Variants in TDRP observed in about 807,000 individuals in gnomAD.
The protein encoded by TDRP is testis development related protein.
In TDRP, 12 loss-of-function variants were observed where a neutral mutation model predicts 10.5. The ratio of observed to expected loss-of-function variants is 1.15; its 90% CI spans 0.73 to 1.86. The LOEUF (loss-of-function observed/expected upper bound fraction) is 1.86, where lower values mean the gene tolerates loss of function less well. TDRP is among the 40% of genes most tolerant of loss of function. The pLI, the probability that TDRP is intolerant of heterozygous loss-of-function variation, is 0.00. For synonymous variants in TDRP, 139 were observed against 95.4 expected, an observed-to-expected ratio of 1.46 and a Z score of -2.67; for missense variants, 353 against 229.2, an observed-to-expected ratio of 1.54 and a Z score of -3.49.
intron 1 of TDRP, among the ~76,000 whole-genome samples, chr8:517,225 A>C (rs1262621648): frequency 1.3e-5 from 2 of 152,186 alleles, no homozygotes; most frequent in African/African-American, 2.4e-5. Flanking sequence ...ACAGCATCAC[A>C]TGACAGCAGG....
rs375957326 is a variant in TDRP, at chr8:492,474, G to A, written c.483C>T (p.Arg161=). The change falls in exon 3 of 3, where the codon CGC becomes CGT. Residue 161 remains arginine, a synonymous_variant. Coordinates refer to ENST00000324079, the MANE Select transcript of TDRP (RefSeq NM_001384899.1). ...GGATGCTCACCAGCCTCCCTGCCGC[G>A]CGCAGGCTCCACCTGGAGCTGTTGG... ...SSANSSRWSL[R]AAGRLVSIRR... 1.6e-5 allele frequency: 25 copies of A among 1,606,760 alleles called. No individual in the cohort carries two copies. The highest frequency in any genetic ancestry group is 3.4e-5 in the Admixed American group (2 of 59,608).
chr8:524,285 C>T (rs1233212250), intron 1 of TDRP, among the ~76,000 whole-genome samples: 1 of 152,070 alleles, frequency 6.6e-6, no homozygotes, highest in African/African-American at 2.4e-5. Flanking sequence ...ATCACAACAC[C>T]CAAGTCCCTT....
intron 1 of TDRP, among the ~76,000 whole-genome samples, chr8:505,047 T>C (rs902933777): frequency 6.6e-6 from 1 of 152,194 alleles, no homozygotes; most frequent in Non-Finnish European, 1.5e-5. Context: ...ATATTCAATT[T>C]ACAAAAACAA....
In TDRP at chr8:507,050, A is replaced by T. The variant is rs186799083; in HGVS notation, c.109-12453T>A. The stretch of plus-strand genomic sequence containing the variant: ...GGCTGGGAAGCTTTGGGAAACTTAC[A>T]ATCATGGCGGAAGGCAAAGGGGAGG... On this transcript the variant is annotated intron_variant, in intron 1 of 2. Coordinates refer to ENST00000324079, the MANE Select transcript of TDRP (RefSeq NM_001384899.1). Among the ~76,000 whole-genome samples, 935 of 152,282 alleles carry T rather than the reference A, an allele frequency of 6.1e-3. 12 individuals are homozygous for T. The highest frequency in any genetic ancestry group is 9.4e-3 in the Non-Finnish European group (642 of 68,024).
rs1802595778 is a variant in TDRP, at chr8:544,831, C to A, written c.-74G>T. On this transcript the variant is annotated 5_prime_UTR_variant, in exon 1 of 3. Transcript: ENST00000324079. ...CCGCGTCCCTCCCGGCCGCCGGACG[C>A]TCTGCCTGCGGCTCCTGCGGGACGC... is the stretch of plus-strand genomic sequence containing the variant. 15 of 1,104,564 alleles carry A rather than the reference C, an allele frequency of 1.4e-5. No homozygotes were observed. Among genetic ancestry groups the A allele is most frequent in the Non-Finnish European group, 1.5e-5 (13 of 874,830 alleles). The allele number at this position is 1,104,564 out of a possible 1,614,324, so 68.4% of individuals were successfully genotyped here.
intron 1 of TDRP, among the ~76,000 whole-genome samples, chr8:510,737 ACTT>A (rs1230682710): frequency 9.2e-5 from 14 of 152,254 alleles, no homozygotes; most frequent in Non-Finnish European, 8.8e-5. Flanking sequence ...CACTAAAGGA[ACTT>A]CTTCAGCTGA....
intron 1 of TDRP, among the ~76,000 whole-genome samples, chr8:521,341 C>T (rs1344738745): frequency 1.3e-5 from 2 of 151,958 alleles, no homozygotes; most frequent in African/African-American, 2.4e-5. Context: ...GGCGTGAACC[C>T]GGGAGGCGGG....
intron 1 of TDRP, among the ~76,000 whole-genome samples, chr8:498,089 A>C (rs569772161): frequency 6.6e-6 from 1 of 152,316 alleles, no homozygotes; most frequent in South Asian, 2.1e-4. Context: ...CATGCAAGGG[A>C]AATGTGGGGT....
At chr8:530,914 T>A (rs1318713167) in intron 1 of TDRP, among the ~76,000 whole-genome samples, 3 of 152,144 alleles carry the variant, frequency 2.0e-5, no homozygotes, top group Non-Finnish European at 4.4e-5. Flanking sequence ...CCGACCTCCA[T>A]CCGCAGCACT....
chr8:504,150 T>A (rs544632325), intron 1 of TDRP, among the ~76,000 whole-genome samples: 1 of 152,314 alleles, frequency 6.6e-6, no homozygotes, highest in African/African-American at 2.4e-5. Flanking sequence ...ACCGCAGCCC[T>A]GTCACTGGTT....
chr8:494,702 C>T (rs1801080302), intron 1 of TDRP, 105 bp from the exon 2 acceptor site: 9 of 957,716 alleles, frequency 9.4e-6, no homozygotes, highest in Non-Finnish European at 9.5e-6. Context: ...AAAGAATTGG[C>T]AGAGCTTACA....
intron 1 of TDRP, among the ~76,000 whole-genome samples, chr8:510,366 C>A (rs1478591956): frequency 3.3e-5 from 5 of 152,232 alleles, no homozygotes; most frequent in Admixed American, 3.3e-4. Flanking sequence ...GGACACTCTT[C>A]TCACTCAGGA....
chr8:510,718 T>C (rs1296973118), intron 1 of TDRP, among the ~76,000 whole-genome samples: 2 of 152,214 alleles, frequency 1.3e-5, no homozygotes, highest in Admixed American at 6.5e-5. Context: ...AAACCCACCT[T>C]ATGAGAAACA....
At chr8:523,846 T>C (rs1404565324) in intron 1 of TDRP, among the ~76,000 whole-genome samples, 4 of 152,158 alleles carry the variant, frequency 2.6e-5, no homozygotes, top group African/African-American at 4.8e-5. Flanking sequence ...ACAGCATCCC[T>C]AGATACATCC....
intron 1 of TDRP, among the ~76,000 whole-genome samples, chr8:526,885 A>G (rs892755041): frequency 1.3e-5 from 2 of 152,212 alleles, no homozygotes; most frequent in African/African-American, 4.8e-5. Context: ...AAAATAAAAG[A>G]CATTCAAACT....
chr8:493,130 G>T (rs979771455), intron 2 of TDRP, among the ~76,000 whole-genome samples: 2 of 152,156 alleles, frequency 1.3e-5, no homozygotes, highest in Non-Finnish European at 2.9e-5. Flanking sequence ...TATCAAATAG[G>T]TTTTCAATTG....
intron 1 of TDRP, among the ~76,000 whole-genome samples, chr8:538,209 C>A (rs991967278): frequency 3.3e-5 from 5 of 152,166 alleles, no homozygotes; most frequent in African/African-American, 1.2e-4. Flanking sequence ...CAAGAGAAGA[C>A]TTCATCAAGG....
rs1800967015 is a variant in TDRP, at chr8:491,350, A to G, written c.*1049T>C. Reference sequence around the variant, plus strand: ...AGAGATATCTGCAGGACTTGCTGATAAGAGCCAACCTTCCAGGGACGCATA... The same window carrying G: ...AGAGATATCTGCAGGACTTGCTGATGAGAGCCAACCTTCCAGGGACGCATA... On this transcript the variant is annotated 3_prime_UTR_variant, in exon 3 of 3. Coordinates refer to ENST00000324079, the MANE Select transcript of TDRP (RefSeq NM_001384899.1). The G allele has an allele frequency of 5.6e-6, 2 of 359,248 alleles. No homozygotes were observed. The highest frequency in any genetic ancestry group is 1.4e-4 in the South Asian group (1 of 6,958). 22.3% of individuals were successfully genotyped at this position (359,248 alleles called of 1,614,324 possible). A position where few individuals can be genotyped will look rare whatever the true frequency, so the allele number is the denominator to read the frequency against.
intron 1 of TDRP, among the ~76,000 whole-genome samples, chr8:506,248 A>G (rs1398328503): frequency 2.6e-5 from 4 of 152,248 alleles, no homozygotes; most frequent in Non-Finnish European, 5.9e-5. Flanking sequence ...ATATCTATTC[A>G]TGAAAATTCT....
Sources: gnomAD v4.1 joint callset for allele counts (sites outside exome capture counted in the v4.1 genomes callset) on GRCh38, gnomAD v4.1.1 for gene constraint, MANE v1.5 for transcripts, NCBI Gene and HGNC (gene_info 2026-07-23, HGNC 2026-07-21) for gene names.